PALLD: variants seen among roughly 807,000 people sequenced by gnomAD.
The protein encoded by PALLD is palladin.
A neutral mutation model predicts 123.5 loss-of-function variants in PALLD; 61 were observed. That is an observed-to-expected ratio of 0.49 (90% confidence interval 0.40 to 0.61). The LOEUF is 0.61. Ranked by LOEUF, PALLD falls within the 20% of genes least tolerant of loss-of-function variation. The pLI, the probability that PALLD is intolerant of heterozygous loss-of-function variation, is 0.00. For synonymous variants in PALLD, 465 were observed against 496.4 expected (o/e 0.94, Z 0.84); for missense variants, 1,273 against 1,377.0 (o/e 0.92, Z 1.20).
intron 2 of PALLD, among the ~76,000 whole-genome samples, chr4:168,545,808 T>A (rs1380175884): frequency 1.3e-5 from 2 of 152,186 alleles, no homozygotes; most frequent in Non-Finnish European, 2.9e-5. Context: ...TATCAATATA[T>A]AATATCCACT....
At chr4:168,910,473 T>C (rs1307030098) in intron 15 of PALLD, among the ~76,000 whole-genome samples, 3 of 152,134 alleles carry the variant, frequency 2.0e-5, no homozygotes, top group African/African-American at 7.2e-5. Flanking sequence ...GTAAATTACA[T>C]TCTAATACCA....
chr4:168,554,691 C>T (rs557438310), intron 2 of PALLD, among the ~76,000 whole-genome samples: 2 of 152,140 alleles, frequency 1.3e-5, no homozygotes, highest in South Asian at 2.1e-4. Flanking sequence ...TTTAATGCTC[C>T]ATATATAAAG....
At position 168,736,091 on chromosome 4, in the gene PALLD, C is replaced by T. The variant is rs139381355; in HGVS notation, c.1964+24168C>T. Among the ~76,000 whole-genome samples the T allele has an allele frequency of 5.3e-5, 8 of 152,352 alleles. No homozygotes were observed. The East Asian group carries it at 1.5e-3, about 29-fold the overall frequency. ...GGCTCAATGAGTGGCAGAGCTTGGGCAGCAATGCAAAGTCTTCCTGTGACC... is the reference window on the plus strand; with the variant it reads ...GGCTCAATGAGTGGCAGAGCTTGGGTAGCAATGCAAAGTCTTCCTGTGACC... On this transcript the variant is annotated intron_variant, in intron 10 of 21. Coordinates refer to ENST00000505667, the MANE Select transcript of PALLD (RefSeq NM_001166108.2).
chr4:168,690,625 C>T lies in PALLD; in HGVS notation c.1358C>T (p.Ala453Val), dbSNP rs142714330. Residue 453 changes from alanine (A) to valine (V), a missense_variant, in exon 7 of 22, where the codon GCG becomes GTG. Ala to Val is a moderately conservative substitution (Grantham distance 64, BLOSUM62 0). Coordinates refer to ENST00000505667, the MANE Select transcript of PALLD (RefSeq NM_001166108.2). ...FTKELQNTAVAEGQVVVLECR... is the reference protein window; with the variant it reads ...FTKELQNTAVVEGQVVVLECR... ...CAGGAACTGCAAAACACAGCCGTGG[C>T]GGAAGGCCAGGTGGTGGTTCTGGAG... 5 of 1,614,154 alleles carry T rather than the reference C, an allele frequency of 3.1e-6. No individual in the cohort carries two copies. Among genetic ancestry groups the T allele is most frequent in the Admixed American group, 1.7e-5 (1 of 60,024 alleles).
At chr4:168,578,016 T>A (rs1769811962) in intron 2 of PALLD, among the ~76,000 whole-genome samples, 1 of 152,126 alleles carries the variant, frequency 6.6e-6, no homozygotes, top group Non-Finnish European at 1.5e-5. Flanking sequence ...TACTTTTCAA[T>A]GTTCTTTCAA....
intron 10 of PALLD, among the ~76,000 whole-genome samples, chr4:168,736,814 T>A (rs1561464030): frequency 6.6e-6 from 1 of 152,010 alleles, no homozygotes; most frequent in Non-Finnish European, 1.5e-5. Flanking sequence ...GCTAGTGACC[T>A]CAGTGTCAAA....
chr4:168,514,791 T>C (rs1399439859), intron 2 of PALLD, among the ~76,000 whole-genome samples: 1 of 152,220 alleles, frequency 6.6e-6, no homozygotes, highest in Non-Finnish European at 1.5e-5. Context: ...CTTTAAAAAA[T>C]GACAGAAAGC....
At chr4:168,706,654 C>G (rs1200961555) in intron 8 of PALLD, among the ~76,000 whole-genome samples, 1 of 152,088 alleles carries the variant, frequency 6.6e-6, no homozygotes, top group Non-Finnish European at 1.5e-5. Context: ...AAAGGAAAGG[C>G]TTTGGTGGGT....
At chr4:168,538,092 G>A (rs1580197108) in intron 2 of PALLD, among the ~76,000 whole-genome samples, 1 of 152,166 alleles carries the variant, frequency 6.6e-6, no homozygotes, top group African/African-American at 2.4e-5. Context: ...TTTGAATTGT[G>A]CTTATACATA....
chr4:168,687,096 A>G (rs1782139214), intron 6 of PALLD, among the ~76,000 whole-genome samples: 1 of 152,234 alleles, frequency 6.6e-6, no homozygotes, highest in Non-Finnish European at 1.5e-5. Context: ...ACTAAAGACA[A>G]ATGTGAAAGC....
intron 2 of PALLD, among the ~76,000 whole-genome samples, chr4:168,528,365 A>G (rs972725765): frequency 2.6e-5 from 4 of 152,220 alleles, no homozygotes; most frequent in African/African-American, 9.6e-5. Context: ...CAATTCTATA[A>G]CTTAGTAAAA....
intron 2 of PALLD, among the ~76,000 whole-genome samples, chr4:168,562,838 A>G (rs979318404): frequency 1.3e-5 from 2 of 152,192 alleles, no homozygotes; most frequent in East Asian, 1.9e-4. Flanking sequence ...CCATTAGATG[A>G]TTCTAAGAGA....
chr4:168,649,782 G>A (rs375775906), intron 2 of PALLD, among the ~76,000 whole-genome samples: 43 of 152,322 alleles, frequency 2.8e-4, no homozygotes, highest in South Asian at 1.2e-3. Flanking sequence ...GTCCTAAAAC[G>A]TATGTATTTC....
rs70961555 is a variant in PALLD, at chr4:168,761,645, G to GTTTTTTTTTTTTTTTTTTT, written c.1964+49735_1964+49753dup. Among the ~76,000 whole-genome samples the GTTTTTTTTTTTTTTTTTTT allele has an allele frequency of 8.2e-4, 72 of 87,954 alleles. 1 individual carries two copies. Among genetic ancestry groups the GTTTTTTTTTTTTTTTTTTT allele is most frequent in the East Asian group, 1.2e-3 (3 of 2,460 alleles). 57.7% of individuals were successfully genotyped at this position (87,954 alleles called of 152,430 possible). On this transcript the variant is annotated intron_variant, in intron 10 of 21. Coordinates refer to ENST00000505667, the MANE Select transcript of PALLD (RefSeq NM_001166108.2). ...CCAGCTATTTTTGTTGTTGTTGTTT[G>GTTTTTTTTTTTTTTTTTTT]TTTTTTTTTTTTTTTTTTTTTTTTT... is the stretch of plus-strand genomic sequence containing the variant.
At chr4:168,620,450 GT>G (rs1186879174) in intron 2 of PALLD, among the ~76,000 whole-genome samples, 1 of 152,088 alleles carries the variant, frequency 6.6e-6, no homozygotes, top group Non-Finnish European at 1.5e-5. Context: ...GTGAGATGCT[GT>G]CTAAAAAAAC....
At chr4:168,688,471 G>T (rs1371059489) in intron 6 of PALLD, among the ~76,000 whole-genome samples, 1 of 152,202 alleles carries the variant, frequency 6.6e-6, no homozygotes, top group Admixed American at 6.5e-5. Flanking sequence ...AGGTGGACTT[G>T]ATGGTATGGC....
At chr4:168,619,617 G>A (rs928577487) in intron 2 of PALLD, among the ~76,000 whole-genome samples, 1 of 152,176 alleles carries the variant, frequency 6.6e-6, no homozygotes, top group Non-Finnish European at 1.5e-5. Flanking sequence ...CTTATACTGT[G>A]GTGGGAAATC....
intron 10 of PALLD, among the ~76,000 whole-genome samples, chr4:168,761,489 C>T (rs566478930): frequency 6.6e-6 from 1 of 151,956 alleles, no homozygotes; most frequent in South Asian, 2.1e-4. Context: ...TGAGACGAGT[C>T]TCTCTCCGTC....
At chr4:168,787,179 G>A (rs903563506) in intron 10 of PALLD, among the ~76,000 whole-genome samples, 8 of 152,084 alleles carry the variant, frequency 5.3e-5, no homozygotes, top group South Asian at 4.1e-4. Flanking sequence ...TAATTCATTC[G>A]TGAACTTATT....
Sources: gnomAD v4.1 joint callset for allele counts (sites outside exome capture counted in the v4.1 genomes callset) on GRCh38, gnomAD v4.1.1 for gene constraint, MANE v1.5 for transcripts, NCBI Gene and HGNC (gene_info 2026-07-23, HGNC 2026-07-21) for gene names.